Variants in ATP2B2 observed in about 807,000 individuals in gnomAD.
ATP2B2 encodes the protein ATPase plasma membrane Ca2+ transporting 2, also known as plasma membrane calcium-transporting ATPase 2.
ATP2B2 carries 15 observed loss-of-function variants against 120.0 expected under a neutral mutation model. That is an observed-to-expected ratio of 0.12 (90% CI 0.08 to 0.19). The LOEUF (loss-of-function observed/expected upper bound fraction) is 0.19, where lower values mean the gene tolerates loss of function less well. ATP2B2 is among the 10% of genes least tolerant of loss of function. ATP2B2 has a pLI of 1.00. For missense variants in ATP2B2, 1,045 were observed against 1,719.8 expected (o/e 0.61, Z 6.94); for synonymous variants, 694 against 700.3 (o/e 0.99, Z 0.14).
At chr3:10,396,079 G>A (rs1477229802) in intron 5 of ATP2B2, among the ~76,000 whole-genome samples, 1 of 152,190 alleles carries the variant, frequency 6.6e-6, no homozygotes, top group African/African-American at 2.4e-5. Context: ...TCTGAAGGCT[G>A]GTCTGCCCTC....
At chr3:10,550,937 G>A (rs1255722385) in intron 2 of ATP2B2, among the ~76,000 whole-genome samples, 10 of 152,100 alleles carry the variant, frequency 6.6e-5, no homozygotes, top group Non-Finnish European at 1.2e-4. Flanking sequence ...GATACGGCCC[G>A]GCCTGCTGTT....
At chr3:10,410,361 T>C (rs1214588443) in intron 3 of ATP2B2, among the ~76,000 whole-genome samples, 9 of 152,236 alleles carry the variant, frequency 5.9e-5, no homozygotes, top group Non-Finnish European at 1.3e-4. Flanking sequence ...CTTAGCACAC[T>C]GTAAGTGCTC....
intron 1 of ATP2B2, among the ~76,000 whole-genome samples, chr3:10,623,357 T>C (rs957065322): frequency 1.3e-5 from 2 of 152,188 alleles, no homozygotes; most frequent in African/African-American, 4.8e-5. Flanking sequence ...CGTGCCTAAT[T>C]GGTGACTGAG....
intron 22 of ATP2B2, among the ~76,000 whole-genome samples, chr3:10,334,001 G>A (rs772964135): frequency 3.3e-5 from 5 of 152,258 alleles, no homozygotes; most frequent in Non-Finnish European, 5.9e-5. Flanking sequence ...GCAAAGAAGT[G>A]TTGTTCCCGG....
chr3:10,570,720 G>A (rs1021883460), intron 2 of ATP2B2, among the ~76,000 whole-genome samples: 2 of 152,188 alleles, frequency 1.3e-5, no homozygotes, highest in African/African-American at 2.4e-5. Flanking sequence ...GCACAAGTCA[G>A]TCCCTGCTGG....
Position 10,432,428 on chromosome 3 carries a change from G to A in ATP2B2, c.199+16917C>T, listed in dbSNP as rs116297349. 3.0e-3 allele frequency among the ~76,000 whole-genome samples: 455 copies of A among 152,338 alleles called. 3 individuals carry two copies. Among genetic ancestry groups the A allele is most frequent in the African/African-American group, 0.01 (432 of 41,578 alleles). On this transcript the variant is annotated intron_variant, in intron 2 of 22. Transcript: ENST00000360273. ...AAGCCCTGGGGCAGGTATGGGAGTG[G>A]GGGTGACAGAAAAGCTGGCAGTTCT...
At chr3:10,336,223 C>T in intron 22 of ATP2B2, 1 of 1,550,636 alleles carries the variant, frequency 6.4e-7, no homozygotes, top group Non-Finnish European at 8.7e-7. Flanking sequence ...CATCCTGGCT[C>T]TGGCTGGTGA....
chr3:10,705,369 C>A (rs1297725994), intron 1 of ATP2B2, among the ~76,000 whole-genome samples: 1 of 152,180 alleles, frequency 6.6e-6, no homozygotes, highest in Non-Finnish European at 1.5e-5. Context: ...CACCTCCAAG[C>A]CCTAGCAACC....
intron 13 of ATP2B2, among the ~76,000 whole-genome samples, chr3:10,359,564 G>C (rs1259281170): frequency 6.6e-6 from 1 of 152,208 alleles, no homozygotes; most frequent in African/African-American, 2.4e-5. Flanking sequence ...TGAAATAAGA[G>C]AGATCTAAGT....
upstream of ATP2B2, among the ~76,000 whole-genome samples, chr3:10,510,564 AGGGTCCACCCTAGGCTCCCACCTGTGT>A: frequency 6.6e-6 from 1 of 152,222 alleles, no homozygotes; most frequent in South Asian, 2.1e-4. Flanking sequence ...TAGCCCCGTG[AGGGTCCACCCTAGGCTCCCACCTGTGT>A]GGGGCAGGTG....
chr3:10,628,036 A>G (rs2069755036), intron 1 of ATP2B2, among the ~76,000 whole-genome samples: 1 of 152,154 alleles, frequency 6.6e-6, no homozygotes. Context: ...GAGGCTGGGC[A>G]ATGCAAAGGC....
chr3:10,397,642 A>C (rs2062083294), intron 5 of ATP2B2, among the ~76,000 whole-genome samples: 1 of 152,200 alleles, frequency 6.6e-6, no homozygotes, highest in Admixed American at 6.5e-5. Flanking sequence ...GGACAGCCTC[A>C]GCAGAGGCAG....
chr3:10,383,771 G>A (rs73014688), intron 8 of ATP2B2, among the ~76,000 whole-genome samples: 7,073 of 152,310 alleles, frequency 0.046, 194 homozygotes, highest in South Asian at 0.081. Flanking sequence ...TATACAGTAG[G>A]TGGTCAAGAA....
rs935364452 is a variant in ATP2B2 at position 10,346,443 on chromosome 3, A to G, written c.2405-306T>C. On this transcript the variant is annotated intron_variant, in intron 16 of 22. Transcript: ENST00000360273. The surrounding 1 kb of genome is among the most constrained non-coding windows in gnomAD (Gnocchi z 4.1). ...ATTGGCATCCATCCTAACCAGAAAC[A>G]CTGTATCCTCTAACTGTGCTCAGGG... 1.3e-5 allele frequency among the ~76,000 whole-genome samples: 2 copies of G among 152,076 alleles called. No individual in the cohort carries two copies. The highest frequency in any genetic ancestry group is 2.9e-5 in the Non-Finnish European group (2 of 67,990).
rs572807601 is a variant in ATP2B2 at position 10,495,251 on chromosome 3, G to A, written c.-320+10214C>T. Among the ~76,000 whole-genome samples the A allele has an allele frequency of 1.5e-3, 236 of 152,286 alleles. 1 individual carries two copies. The highest frequency in any genetic ancestry group is 2.4e-3 in the Non-Finnish European group (165 of 68,024). On this transcript the variant is annotated intron_variant, in intron 1 of 22. Transcript: ENST00000360273. ...CCCAAGCCACGCCTTTTTCCTGGAG[G>A]GTTGGGGGAGGGGCTAATACCATGG...
chr3:10,451,824 C>G (rs1222277554), intron 1 of ATP2B2, among the ~76,000 whole-genome samples: 1 of 152,156 alleles, frequency 6.6e-6, no homozygotes, highest in Non-Finnish European at 1.5e-5. Context: ...ACAATGTATT[C>G]CTCGGAGAAG....
intron 2 of ATP2B2, among the ~76,000 whole-genome samples, chr3:10,589,186 G>A (rs931754141): frequency 6.6e-6 from 1 of 152,156 alleles, no homozygotes; most frequent in Non-Finnish European, 1.5e-5. Flanking sequence ...CTGAACTCCA[G>A]CCACTCCCAT....
chr3:10,396,391 CA>C (rs922617963), intron 5 of ATP2B2, among the ~76,000 whole-genome samples: 3 of 152,216 alleles, frequency 2.0e-5, no homozygotes, highest in African/African-American at 7.2e-5. Flanking sequence ...ATGGTTGGAC[CA>C]ACTGACCAGA....
intron 1 of ATP2B2, among the ~76,000 whole-genome samples, chr3:10,661,873 A>G (rs2070790093): frequency 6.6e-6 from 1 of 152,226 alleles, no homozygotes; most frequent in Non-Finnish European, 1.5e-5. Flanking sequence ...CAGTAACCAA[A>G]ACAGCATAGT....
Sources: gnomAD v4.1 joint callset for allele counts (sites outside exome capture counted in the v4.1 genomes callset) on GRCh38, gnomAD v4.1.1 for gene constraint, Gnocchi (gnomAD v3.1) non-coding constraint, MANE v1.5 for transcripts, NCBI Gene and HGNC (gene_info 2026-07-23, HGNC 2026-07-21) for gene names.